ZNF536: variants seen among roughly 807,000 people sequenced by gnomAD.
ZNF536 encodes the protein zinc finger protein 536.
ZNF536 carries 13 observed loss-of-function variants against 84.5 expected under a neutral mutation model. The ratio of observed to expected loss-of-function variants is 0.15; its 90% confidence interval spans 0.10 to 0.24. The LOEUF (loss-of-function observed/expected upper bound fraction) is 0.24, where lower values mean the gene tolerates loss of function less well. Ranked by LOEUF, ZNF536 falls within the 10% of genes least tolerant of loss-of-function variation. The pLI, the probability that ZNF536 is intolerant of heterozygous loss-of-function variation, is 1.00. For synonymous variants in ZNF536, 811 were observed against 742.5 expected (o/e 1.09, Z -1.50); for missense variants, 1,536 against 1,747.5 (o/e 0.88, Z 2.16).
chr19:30,584,275 C>T (rs1439202370), intron 1 of ZNF536, among the ~76,000 whole-genome samples: 1 of 152,158 alleles, frequency 6.6e-6, no homozygotes, highest in East Asian at 1.9e-4. Flanking sequence ...TCCCCTGCTC[C>T]TTGTGGGACT....
At chr19:30,648,550 A>T (rs1352179899) in intron 1 of ZNF536, among the ~76,000 whole-genome samples, 3 of 152,096 alleles carry the variant, frequency 2.0e-5, no homozygotes, top group Non-Finnish European at 4.4e-5. Context: ...ACTTCCCCGG[A>T]TCAAGTGGCA....
At chr19:30,555,100 C>A (rs2045919640) in intron 4 of ZNF536, 2 of 152,272 alleles carry the variant, frequency 1.3e-5, no homozygotes, top group Admixed American at 6.5e-5. Context: ...ACAGTGCAAC[C>A]CAGAGCTGCC....
intron 1 of ZNF536, among the ~76,000 whole-genome samples, chr19:30,696,134 T>A (rs2051646584): frequency 6.6e-6 from 1 of 152,236 alleles, no homozygotes; most frequent in Non-Finnish European, 1.5e-5. Context: ...TTTTGGGATT[T>A]TTGCTAAAGC....
intron 2 of ZNF536, among the ~76,000 whole-genome samples, chr19:30,285,485 A>G (rs10415260): frequency 0.31 from 46,712 of 152,132 alleles, 9,794 homozygotes; most frequent in East Asian, 0.6. Flanking sequence ...TTTCTGATGC[A>G]TAATAAGGAA....
intron 2 of ZNF536, among the ~76,000 whole-genome samples, chr19:30,312,982 T>C: frequency 6.6e-6 from 1 of 152,212 alleles, no homozygotes; most frequent in East Asian, 1.9e-4. Context: ...TGGCCACACT[T>C]CCCATACTTC....
chr19:30,401,271 T>G (rs903786673), intron 1 of ZNF536, among the ~76,000 whole-genome samples: 7 of 152,204 alleles, frequency 4.6e-5, no homozygotes, highest in Non-Finnish European at 7.3e-5. Context: ...CTCTGTCACC[T>G]AGGTTGGAGC....
intron 1 of ZNF536, among the ~76,000 whole-genome samples, chr19:30,418,998 C>G (rs1218913337): frequency 6.6e-6 from 1 of 152,164 alleles, no homozygotes; most frequent in Admixed American, 6.5e-5. Flanking sequence ...CGATGCGTGT[C>G]CATGAACTAA....
intron 1 of ZNF536, among the ~76,000 whole-genome samples, chr19:30,693,293 G>A (rs8111623): frequency 1.3e-5 from 2 of 152,192 alleles, no homozygotes; most frequent in African/African-American, 2.4e-5. Flanking sequence ...ATGGCGTGTA[G>A]ACTGCATTAT....
chr19:30,297,233 G>GTACCAGGCACCTTTTTCC (rs2046026568), intron 2 of ZNF536, among the ~76,000 whole-genome samples: 1 of 151,990 alleles, frequency 6.6e-6, no homozygotes, highest in Non-Finnish European at 1.5e-5. Flanking sequence ...ACTGTGATCA[G>GTACCAGGCACCTTTTTCC]TACCAGGCAC....
intron 3 of ZNF536, among the ~76,000 whole-genome samples, chr19:30,539,058 GGAAAGAAAAGAAAAGGAAA>G (rs2045211411): frequency 6.7e-6 from 1 of 150,116 alleles, no homozygotes; most frequent in Non-Finnish European, 1.5e-5. Context: ...AGGAAAGAAA[GGAAAGAAAAGAAAAGGAAA>G]GAAAGAAAAG....
intron 1 of ZNF536, among the ~76,000 whole-genome samples, chr19:30,708,064 G>A (rs997905965): frequency 6.6e-6 from 1 of 151,772 alleles, no homozygotes; most frequent in Non-Finnish European, 1.5e-5. Context: ...AAAAGGCAAG[G>A]TGATACAAGA....
rs1233678509 is a variant in ZNF536 at position 30,228,524 on chromosome 19, T to C, written c.-339T>C. On this transcript the variant is annotated 5_prime_UTR_variant, in exon 1 of 6. Transcript: ENST00000585628. The surrounding 1 kb of genome is among the most constrained non-coding windows in gnomAD (Gnocchi z 4.5). Reference sequence around the variant, plus strand: ...GGGGCTGCTCCGAGAACTCGTACAGTAGCGGCGTCAGATCCATCCCGCGCC... The same window carrying C: ...GGGGCTGCTCCGAGAACTCGTACAGCAGCGGCGTCAGATCCATCCCGCGCC... 1.3e-5 allele frequency: 2 copies of C among 151,476 alleles called. No individual in the cohort carries two copies. Among genetic ancestry groups the C allele is most frequent in the Non-Finnish European group, 2.9e-5 (2 of 67,916 alleles). The allele number at this position is 151,476 out of a possible 1,614,324, so 9.4% of individuals were successfully genotyped here.
intron 2 of ZNF536, among the ~76,000 whole-genome samples, chr19:30,500,753 G>A (rs1451731766): frequency 6.6e-6 from 1 of 152,266 alleles, no homozygotes; most frequent in Non-Finnish European, 1.5e-5. Flanking sequence ...ATGTGGGATG[G>A]ACATGAGTCT....
At chr19:30,457,052 A>AC (rs1230076113) in intron 2 of ZNF536, among the ~76,000 whole-genome samples, 5 of 150,442 alleles carry the variant, frequency 3.3e-5, no homozygotes, top group Non-Finnish European at 7.4e-5. Context: ...AAAAAAAAAA[A>AC]AAAACAAAAA....
At chr19:30,519,338 G>T (rs1232789740) in intron 2 of ZNF536, among the ~76,000 whole-genome samples, 2 of 152,192 alleles carry the variant, frequency 1.3e-5, no homozygotes, top group Non-Finnish European at 2.9e-5. Flanking sequence ...TGGCAGGAGG[G>T]ACTGGAAGCT....
chr19:30,558,843 GTAGGACACAATCTCA>G (rs71937929), downstream of ZNF536, among the ~76,000 whole-genome samples: 3,426 of 152,170 alleles, frequency 0.023, 124 homozygotes, highest in African/African-American at 0.078. Context: ...GGGACTGGGG[GTAGGACACAATCTCA>G]TAGGACACAA....
intron 2 of ZNF536, among the ~76,000 whole-genome samples, chr19:30,306,694 C>T (rs1352935407): frequency 6.6e-6 from 1 of 152,234 alleles, no homozygotes; most frequent in African/African-American, 2.4e-5. Flanking sequence ...TGAGCTGAAA[C>T]ATTCAAAATG....
In ZNF536 at chr19:30,412,969, CAATT is replaced by C. The variant is rs151201411; in HGVS notation, c.-2-30591_-2-30588del. Among the ~76,000 whole-genome samples, 1,448 of 152,006 alleles carry C rather than the reference CAATT, an allele frequency of 9.5e-3. 23 individuals carry two copies. Among genetic ancestry groups the C allele is most frequent in the African/African-American group, 0.034 (1,402 of 41,472 alleles). ...TGTCATATCTGATAATTTTTTTAGA[CAATT>C]CATTTATTTTAGTGTAGATTTTCAA... On this transcript the variant is annotated intron_variant, in intron 1 of 4. Coordinates refer to ENST00000355537, the MANE Select transcript of ZNF536 (RefSeq NM_014717.3).
At chr19:30,476,001 G>A (rs950125090) in intron 2 of ZNF536, among the ~76,000 whole-genome samples, 4 of 152,160 alleles carry the variant, frequency 2.6e-5, no homozygotes, top group Non-Finnish European at 5.9e-5. Context: ...CCATGAAGAC[G>A]GCAACGGAGT....
Sources: allele counts gnomAD v4.1 joint callset (sites outside exome capture counted in the v4.1 genomes callset), GRCh38; gene constraint gnomAD v4.1.1; non-coding constraint Gnocchi (gnomAD v3.1); transcripts MANE v1.5; gene names NCBI Gene and HGNC (gene_info 2026-07-23, HGNC 2026-07-21).